Variants in CHFR observed in about 807,000 individuals in gnomAD.
The protein encoded by CHFR is checkpoint with forkhead and ring finger domains.
A neutral mutation model predicts 87.6 loss-of-function variants in CHFR; 57 were observed. The observed-to-expected ratio is 0.65, with a 90% CI of 0.53 to 0.81. The LOEUF (loss-of-function observed/expected upper bound fraction) is 0.81. Ranked by LOEUF, CHFR falls within the 30% of genes least tolerant of loss-of-function variation. The probability of loss-of-function intolerance (pLI) is 0.00; values close to 1 mark genes in which losing one functional copy is unlikely to be tolerated. For missense variants in CHFR, 797 were observed against 865.8 expected (o/e 0.92, Z 1.00); for synonymous variants, 381 against 359.2 (o/e 1.06, Z -0.69).
At chr12:132,844,261 A>G in intron 15 of CHFR, 127 bp from the exon 16 acceptor site, 1 of 636,624 alleles carries the variant, frequency 1.6e-6, no homozygotes, top group South Asian at 1.7e-5. Flanking sequence ...CACATTAGGA[A>G]AATAAGAACA....
Position 132,835,710 on chromosome 12 carries a change from G to A in CHFR, c.*5844C>T, listed in dbSNP as rs541124619. 5 of 239,384 alleles carry A rather than the reference G, an allele frequency of 2.1e-5. No individual in the cohort carries two copies. Among genetic ancestry groups the A allele is most frequent in the South Asian group, 1.2e-4 (3 of 24,800 alleles). 14.8% of individuals were successfully genotyped at this position (239,384 alleles called of 1,614,324 possible). A position where few individuals can be genotyped will look rare whatever the true frequency, so the allele number is the denominator to read the frequency against. On this transcript the variant is annotated 3_prime_UTR_variant, in exon 18 of 18. Coordinates refer to ENST00000450056, the MANE Select transcript of CHFR (RefSeq NM_001161346.2). ...GAAAATACTTTCTGTTGTTTAAGCC[G>A]CCTGTTCTGCGGCGTTTTGATCCAG...
chr12:132,885,421 T>TAAAC lies in CHFR; in HGVS notation c.133+1774_133+1775insGTTT, dbSNP rs541915007. On this transcript the variant is annotated intron_variant, in intron 2 of 17. Coordinates refer to ENST00000450056, the MANE Select transcript of CHFR (RefSeq NM_001161346.2). ...GTGAGACTCTGTCTCAAAAAATATA[T>TAAAC]AAATAAATAAATAAATAAATAAATA... is the stretch of plus-strand genomic sequence containing the variant. 1.5e-4 allele frequency among the ~76,000 whole-genome samples: 7 copies of TAAAC among 45,840 alleles called. No homozygotes were observed. In the South Asian group the frequency reaches 3.9e-3, roughly 25 times the overall value. The allele number at this position is 45,840 out of a possible 152,430, so 30.1% of individuals were successfully genotyped here.
chr12:132,880,390 C>T (rs1164466847), intron 2 of CHFR, among the ~76,000 whole-genome samples: 1 of 152,198 alleles, frequency 6.6e-6, no homozygotes, highest in Non-Finnish European at 1.5e-5. Flanking sequence ...GGTGCCGTGG[C>T]TCACACCTGT....
chr12:132,848,839 G>GT (rs753572378), intron 12 of CHFR, 115 bp from the exon 13 acceptor site: 6 of 782,346 alleles, frequency 7.7e-6, no homozygotes, highest in African/African-American at 1.7e-5. Context: ...TTCAGGAGGG[G>GT]TCTCATGGAA....
Position 132,851,676 on chromosome 12 carries a change from C to T in CHFR, c.1434G>A (p.Gln478=). The T allele has an allele frequency of 1.9e-6, 3 of 1,613,436 alleles. No homozygotes were observed. The highest frequency in any genetic ancestry group is 2.5e-6 in the Non-Finnish European group (3 of 1,179,960). Residue 478 remains glutamine (Q), a synonymous_variant, in exon 12 of 18, where the codon CAG becomes CAA. Transcript: ENST00000450056. ...GSHALCTCCF[Q]PMPDRRAERE... Reference sequence around the variant, plus strand: ...GCTCCGCTCTCCGGTCGGGCATGGGCTGGAAGCAGCAGGTGCACAGGGCGT... The same window carrying T: ...GCTCCGCTCTCCGGTCGGGCATGGGTTGGAAGCAGCAGGTGCACAGGGCGT...
chr12:132,884,742 C>A (rs1951848334), intron 2 of CHFR, among the ~76,000 whole-genome samples: 1 of 152,144 alleles, frequency 6.6e-6, no homozygotes, highest in African/African-American at 2.4e-5. Context: ...TCACCAGGAA[C>A]CCAATCTGCC....
At chr12:132,871,299 A>C (rs1951483166) in intron 4 of CHFR, among the ~76,000 whole-genome samples, 1 of 152,078 alleles carries the variant, frequency 6.6e-6, no homozygotes, top group Non-Finnish European at 1.5e-5. Context: ...TAAAAATACA[A>C]AAATTAGCCG....
At chr12:132,844,756 G>A (rs1419320253) in intron 15 of CHFR, among the ~76,000 whole-genome samples, 2 of 152,166 alleles carry the variant, frequency 1.3e-5, no homozygotes, top group South Asian at 2.1e-4. Context: ...TCAGCCTCCC[G>A]AGTAGCTGGG....
intron 12 of CHFR, chr12:132,849,933 G>C (rs1406486534): frequency 6.6e-6 from 1 of 152,002 alleles, no homozygotes; most frequent in East Asian, 1.9e-4. Flanking sequence ...TTGTCACCTT[G>C]GCTTTGTAGA....
At position 132,863,396 on chromosome 12, in the gene CHFR, C is replaced by T. The variant is rs576783769; in HGVS notation, c.584-1762G>A. Among the ~76,000 whole-genome samples the T allele has an allele frequency of 6.6e-5, 10 of 152,032 alleles. No individual in the cohort carries two copies. The South Asian group carries it at 2.1e-3, about 32-fold the overall frequency. ...GTGGCACATGCCTGTAACCCAGCTA[C>T]TTGGGAGGCTGAGGCAGGAGAACTG... On this transcript the variant is annotated intron_variant, in intron 6 of 17. Transcript: ENST00000450056.
At chr12:132,872,259 C>A (rs765974987) in intron 4 of CHFR, 26 bp downstream of exon 4, 1 of 1,520,100 alleles carries the variant, frequency 6.6e-7, no homozygotes, top group South Asian at 1.1e-5. Flanking sequence ...GCGGGTCTGA[C>A]CCCGGCAAGC....
intron 2 of CHFR, among the ~76,000 whole-genome samples, chr12:132,883,917 A>C (rs12322443): frequency 0.15 from 22,866 of 152,204 alleles, 2,252 homozygotes; most frequent in Admixed American, 0.21. Flanking sequence ...CAGGAGTTCA[A>C]GACCAGCCTG....
At chr12:132,863,602 G>A (rs61952805) in intron 6 of CHFR, among the ~76,000 whole-genome samples, 1,755 of 152,300 alleles carry the variant, frequency 0.012, 14 homozygotes, top group Non-Finnish European at 0.019. Context: ...CTTCCAACGG[G>A]TGGAGATGGT....
Position 132,847,272 on chromosome 12 carries a change from G to A in CHFR, c.1648-142C>T, listed in dbSNP as rs564784653. On this transcript the variant is annotated intron_variant, in intron 14 of 17. Transcript: ENST00000450056. ...ACCCTTATAAGTGGCATTTGCAGAG[G>A]GCTGCACGTTCACGGCCTGCAGCAC... The A allele has an allele frequency of 2.2e-5, 31 of 1,428,412 alleles. No individual in the cohort carries two copies. The Admixed American group carries it at 6.8e-4, about 31-fold the overall frequency. 88.5% of individuals were successfully genotyped at this position (1,428,412 alleles called of 1,614,324 possible).
At chr12:132,874,903 G>A (rs181323330) in intron 3 of CHFR, among the ~76,000 whole-genome samples, 19 of 148,610 alleles carry the variant, frequency 1.3e-4, no homozygotes, top group Admixed American at 2.7e-4. Context: ...CACCCAGCGC[G>A]GGGAAGCCAG....
chr12:132,881,809 A>G (rs1291063541), intron 2 of CHFR, among the ~76,000 whole-genome samples: 3 of 149,170 alleles, frequency 2.0e-5, no homozygotes, highest in East Asian at 2.0e-4. Flanking sequence ...CGGAGGTTGC[A>G]GTGAGCTGAG....
At chr12:132,849,985 G>A (rs1593455752) in intron 12 of CHFR, 1 of 151,816 alleles carries the variant, frequency 6.6e-6, no homozygotes. Context: ...ACAGAGTCTT[G>A]CTCTGTCACC....
intron 6 of CHFR, chr12:132,866,725 T>C (rs1274665272): frequency 6.6e-6 from 1 of 152,198 alleles, no homozygotes; most frequent in Non-Finnish European, 1.5e-5. Context: ...CATTGGAATG[T>C]TACAGGAATG....
chr12:132,847,966 T>C, intron 14 of CHFR, 119 bp downstream of exon 14: 1 of 1,541,072 alleles, frequency 6.5e-7, no homozygotes, highest in Non-Finnish European at 8.8e-7. Flanking sequence ...GGCTCCCGGC[T>C]CCCCAACCCG....
Sources: gnomAD v4.1 joint callset for allele counts (sites outside exome capture counted in the v4.1 genomes callset) on GRCh38, gnomAD v4.1.1 for gene constraint, MANE v1.5 for transcripts, NCBI Gene and HGNC (gene_info 2026-07-23, HGNC 2026-07-21) for gene names.